The following CTNNA3 variants were observed in gnomAD, a reference collection of about 807,000 sequenced individuals.
The protein encoded by CTNNA3 is catenin alpha 3.
Under a neutral mutation model 95.7 loss-of-function variants are expected in CTNNA3, and 76 were observed. The observed-to-expected ratio is 0.79, with a 90% CI of 0.66 to 0.96. CTNNA3 has a LOEUF of 0.96. Among genes scored for constraint, CTNNA3 ranks in the 40% least tolerant of loss-of-function variants. CTNNA3 has a pLI of 0.00. For missense variants in CTNNA3, 1,191 were observed against 1,089.8 expected, an observed-to-expected ratio of 1.09 and a Z score of -1.31; for synonymous variants, 431 against 374.4, an observed-to-expected ratio of 1.15 and a Z score of -1.74.
intron 7 of CTNNA3, among the ~76,000 whole-genome samples, chr10:67,095,527 A>G (rs1857936010): frequency 6.6e-6 from 1 of 151,788 alleles, no homozygotes; most frequent in African/African-American, 2.4e-5. Context: ...ACCAGTCAGT[A>G]GCCTTGATAC....
At chr10:65,972,935 A>T (rs992255391) in intron 16 of CTNNA3, among the ~76,000 whole-genome samples, 2 of 151,236 alleles carry the variant, frequency 1.3e-5, no homozygotes, top group Non-Finnish European at 2.9e-5. Context: ...AGCCAGAGGC[A>T]TCATATTACT....
chr10:66,537,078 T>C (rs1841685979), intron 10 of CTNNA3, among the ~76,000 whole-genome samples: 1 of 152,050 alleles, frequency 6.6e-6, no homozygotes, highest in Non-Finnish European at 1.5e-5. Flanking sequence ...ACATAAAATA[T>C]ATAACTATGG....
chr10:66,553,152 C>G (rs1329848530), intron 10 of CTNNA3, among the ~76,000 whole-genome samples: 1 of 151,822 alleles, frequency 6.6e-6, no homozygotes, highest in Non-Finnish European at 1.5e-5. Context: ...ATCCTTTTAT[C>G]TTGAAAATTC....
At chr10:66,319,162 G>A (rs1231505082) in intron 12 of CTNNA3, among the ~76,000 whole-genome samples, 1 of 151,856 alleles carries the variant, frequency 6.6e-6, no homozygotes, top group African/African-American at 2.4e-5. Flanking sequence ...AATAAAAATG[G>A]GAATAATTAC....
chr10:67,371,273 A>C (rs1303229967), intron 5 of CTNNA3, among the ~76,000 whole-genome samples: 22 of 151,854 alleles, frequency 1.4e-4, no homozygotes, highest in Admixed American at 1.0e-3. Context: ...GTACATGTGC[A>C]TAATGTGCAG....
At chr10:66,346,236 TATATATATATAGAGAGAGAGAGAGAGAG>T (rs1454144205) in intron 12 of CTNNA3, among the ~76,000 whole-genome samples, 214 of 24,958 alleles carry the variant, frequency 8.6e-3, no homozygotes, top group Middle Eastern at 0.02. Context: ...TATATATATA[TATATATATATAGAGAGAGAGAGAGAGAG>T]AGAGAGAGAG....
In CTNNA3 at chr10:67,192,875, A is replaced by ACTT. The variant is rs1863182151; in HGVS notation, c.844-12356_844-12355insAAG. On this transcript the variant is annotated intron_variant, in intron 6 of 17. Transcript: ENST00000433211. ...TCTGCAGATGAATGAATGAATAAAGAAATGGTCATATATATGTATATATAC... is the reference window on the plus strand; with the variant it reads ...TCTGCAGATGAATGAATGAATAAAGACTTAATGGTCATATATATGTATATATAC... Among the ~76,000 whole-genome samples the ACTT allele has an allele frequency of 2.1e-4, 32 of 152,146 alleles. 1 individual carries two copies. The South Asian group carries it at 6.2e-3, about 30-fold the overall frequency.
chr10:66,329,746 C>A (rs984055573), intron 12 of CTNNA3, among the ~76,000 whole-genome samples: 2 of 151,892 alleles, frequency 1.3e-5, no homozygotes, highest in Non-Finnish European at 2.9e-5. Flanking sequence ...ATCAAATATA[C>A]TTGAATAGTT....
intron 7 of CTNNA3, among the ~76,000 whole-genome samples, chr10:67,145,714 C>T (rs569608766): frequency 3.3e-5 from 5 of 152,098 alleles, no homozygotes; most frequent in African/African-American, 7.2e-5. Context: ...CAGGCATGAG[C>T]CACTGCGCCC....
chr10:66,288,557 C>T (rs1300145693), intron 12 of CTNNA3, among the ~76,000 whole-genome samples: 3 of 151,940 alleles, frequency 2.0e-5, no homozygotes, highest in Non-Finnish European at 2.9e-5. Flanking sequence ...GCTATTTAAC[C>T]TTATATTAAA....
chr10:67,461,227 A>G (rs1287395480), intron 5 of CTNNA3, among the ~76,000 whole-genome samples: 1 of 152,174 alleles, frequency 6.6e-6, no homozygotes, highest in African/African-American at 2.4e-5. Flanking sequence ...CATTGAGAGA[A>G]CACTGATATA....
intron 12 of CTNNA3, among the ~76,000 whole-genome samples, chr10:66,288,776 T>C (rs1196003114): frequency 6.6e-6 from 1 of 152,010 alleles, no homozygotes; most frequent in Non-Finnish European, 1.5e-5. Context: ...ATGAGTGATA[T>C]CGGTATCATC....
chr10:66,782,121 T>C (rs1166612742), intron 7 of CTNNA3, among the ~76,000 whole-genome samples: 1 of 152,198 alleles, frequency 6.6e-6, no homozygotes, highest in Non-Finnish European at 1.5e-5. Flanking sequence ...GACAGCTTTA[T>C]GTCTTTGAAC....
At chr10:67,037,172 C>A (rs1854111247) in intron 7 of CTNNA3, among the ~76,000 whole-genome samples, 1 of 152,096 alleles carries the variant, frequency 6.6e-6, no homozygotes, top group Admixed American at 6.5e-5. Flanking sequence ...GTTCACACAT[C>A]TCAACTAATA....
intron 12 of CTNNA3, among the ~76,000 whole-genome samples, chr10:66,350,901 C>A (rs977936697): frequency 1.6e-4 from 25 of 151,950 alleles, no homozygotes; most frequent in African/African-American, 6.0e-4. Context: ...TGGGAAAGAT[C>A]CAAGAGCTTT....
intron 12 of CTNNA3, among the ~76,000 whole-genome samples, chr10:66,285,684 A>G (rs966895688): frequency 2.6e-5 from 4 of 151,614 alleles, no homozygotes; most frequent in Admixed American, 2.6e-4. Flanking sequence ...ATTGTTAATA[A>G]ATTTTATTTT....
intron 15 of CTNNA3, among the ~76,000 whole-genome samples, chr10:66,048,733 T>A (rs1010402724): frequency 6.6e-6 from 1 of 151,952 alleles, no homozygotes; most frequent in Admixed American, 6.6e-5. Flanking sequence ...TGCACTCCAG[T>A]CTGGGCGGCA....
Position 66,668,641 on chromosome 10 carries a change from G to A in CTNNA3, c.1282-46857C>T, listed in dbSNP as rs554010050. 7.9e-4 allele frequency among the ~76,000 whole-genome samples: 120 copies of A among 151,802 alleles called. 1 individual carries two copies. The highest frequency in any genetic ancestry group is 2.6e-3 in the African/African-American group (108 of 41,386). ...CAGCCTGGCCAACATGGCAAAACCC[G>A]TCTCTACTAATAACACAAAAATTAA... is the stretch of plus-strand genomic sequence containing the variant. On this transcript the variant is annotated intron_variant, in intron 9 of 17. Coordinates refer to ENST00000433211, the MANE Select transcript of CTNNA3 (RefSeq NM_013266.4).
chr10:66,080,790 G>C (rs2080728724), intron 14 of CTNNA3, among the ~76,000 whole-genome samples: 1 of 152,118 alleles, frequency 6.6e-6, no homozygotes. Flanking sequence ...AGTGGAGATG[G>C]TCAATGTCAT....
Sources: allele counts gnomAD v4.1 joint callset (sites outside exome capture counted in the v4.1 genomes callset), GRCh38; gene constraint gnomAD v4.1.1; transcripts MANE v1.5; gene names NCBI Gene and HGNC (gene_info 2026-07-23, HGNC 2026-07-21).